GABRB1: variants seen among roughly 807,000 people sequenced by gnomAD.
The protein encoded by GABRB1 is gamma-aminobutyric acid type A receptor subunit beta1.
GABRB1 carries 17 observed loss-of-function variants against 51.6 expected under a neutral mutation model. The ratio of observed to expected loss-of-function variants is 0.33; its 90% confidence interval spans 0.23 to 0.49. GABRB1 has a LOEUF of 0.49. Among genes scored for constraint, GABRB1 ranks in the 20% least tolerant of loss-of-function variants. GABRB1 has a pLI of 0.99. For synonymous variants in GABRB1, 247 were observed against 218.9 expected (o/e 1.13, Z -1.14); for missense variants, 410 against 600.6 (o/e 0.68, Z 3.32).
intron 4 of GABRB1, among the ~76,000 whole-genome samples, chr4:47,298,394 A>T (rs1724100173): frequency 6.6e-6 from 1 of 152,244 alleles, no homozygotes; most frequent in Non-Finnish European, 1.5e-5. Flanking sequence ...GCAAAGTCTC[A>T]GGATACAAAA....
intron 3 of GABRB1, among the ~76,000 whole-genome samples, chr4:47,148,472 T>C (rs1044560386): frequency 6.6e-6 from 1 of 152,048 alleles, no homozygotes; most frequent in Non-Finnish European, 1.5e-5. Context: ...CATAACAATA[T>C]TTGCCTTTTA....
chr4:47,055,620 TC>T (rs1726558391), intron 3 of GABRB1, among the ~76,000 whole-genome samples: 1 of 152,152 alleles, frequency 6.6e-6, no homozygotes, highest in African/African-American at 2.4e-5. Flanking sequence ...GGAAGATGTC[TC>T]ACTTGACACC....
chr4:47,057,401 G>T (rs1726660647), intron 3 of GABRB1, among the ~76,000 whole-genome samples: 1 of 152,196 alleles, frequency 6.6e-6, no homozygotes, highest in African/African-American at 2.4e-5. Flanking sequence ...CTAGGGAATT[G>T]AAGTTAGATG....
chr4:47,379,974 G>A (rs73234514), intron 5 of GABRB1, among the ~76,000 whole-genome samples: 2,004 of 152,190 alleles, frequency 0.013, 24 homozygotes, highest in Admixed American at 0.018. Context: ...GGTCATGTAC[G>A]TAAAAGGCCC....
chr4:47,235,220 T>C (rs1297983301), intron 4 of GABRB1, among the ~76,000 whole-genome samples: 1 of 152,114 alleles, frequency 6.6e-6, no homozygotes, highest in Admixed American at 6.5e-5. Flanking sequence ...AGTTAAAATT[T>C]CCATGTGCAA....
chr4:47,147,028 T>G (rs530602107), intron 3 of GABRB1, among the ~76,000 whole-genome samples: 3 of 152,164 alleles, frequency 2.0e-5, no homozygotes, highest in African/African-American at 7.2e-5. Flanking sequence ...CTTTGAAACA[T>G]ATACCTACCC....
At chr4:47,246,379 T>C (rs1353504819) in intron 4 of GABRB1, among the ~76,000 whole-genome samples, 1 of 46,090 alleles carries the variant, frequency 2.2e-5, no homozygotes, top group African/African-American at 1.0e-4. Context: ...TATATATATA[T>C]ATATATATAT....
intron 4 of GABRB1, among the ~76,000 whole-genome samples, chr4:47,196,969 A>C (rs1719708793): frequency 6.6e-6 from 1 of 152,188 alleles, no homozygotes; most frequent in African/African-American, 2.4e-5. Flanking sequence ...TCTATGCACA[A>C]GATTCACTTA....
chr4:47,123,875 TATATATAA>T (rs1715977932), intron 3 of GABRB1, among the ~76,000 whole-genome samples: 1 of 79,426 alleles, frequency 1.3e-5, no homozygotes, highest in Admixed American at 2.2e-4. Flanking sequence ...ATATATATCT[TATATATAA>T]TATATATAAT....
intron 3 of GABRB1, among the ~76,000 whole-genome samples, chr4:47,134,871 C>G (rs1275925199): frequency 6.6e-6 from 1 of 152,192 alleles, no homozygotes; most frequent in Non-Finnish European, 1.5e-5. Flanking sequence ...AATCCCAGCA[C>G]TTTGGGAGGC....
rs367710074 is a variant in GABRB1, at chr4:47,092,860, G to A, written c.240+60376G>A. ...GAACTCCTGACCTCGTGATTCACCCGCTTCGGCCTCCCAGAGTGTTGGGAT... is the reference window on the plus strand; with the variant it reads ...GAACTCCTGACCTCGTGATTCACCCACTTCGGCCTCCCAGAGTGTTGGGAT... On this transcript the variant is annotated intron_variant, in intron 3 of 8. Transcript: ENST00000295454. Among the ~76,000 whole-genome samples the A allele has an allele frequency of 3.3e-5, 5 of 152,036 alleles. No homozygotes were observed. In the East Asian group the frequency reaches 5.8e-4, roughly 18 times the overall value.
chr4:47,350,218 T>TATATAGAGAGAGAGAGAGAG (rs750199965), intron 5 of GABRB1, among the ~76,000 whole-genome samples: 1 of 56,638 alleles, frequency 1.8e-5, no homozygotes, highest in African/African-American at 8.1e-5. Context: ...TATATATATA[T>TATATAGAGAGAGAGAGAGAG]AGAGAGAGAG....
intron 3 of GABRB1, among the ~76,000 whole-genome samples, chr4:47,159,287 A>C (rs747435025): frequency 2.0e-5 from 3 of 152,038 alleles, no homozygotes; most frequent in Non-Finnish European, 4.4e-5. Flanking sequence ...CTCTAAAAGA[A>C]AAGAAGAGAA....
intron 4 of GABRB1, among the ~76,000 whole-genome samples, chr4:47,185,306 C>T (rs969807871): frequency 6.6e-6 from 1 of 151,804 alleles, no homozygotes; most frequent in African/African-American, 2.4e-5. Context: ...ATTCTTCTGG[C>T]TCTCCCAGAA....
intron 4 of GABRB1, among the ~76,000 whole-genome samples, chr4:47,200,684 T>C (rs999948877): frequency 6.6e-6 from 1 of 152,142 alleles, no homozygotes; most frequent in African/African-American, 2.4e-5. Context: ...CCCCAGAGCT[T>C]TGCGCACAAG....
intron 3 of GABRB1, among the ~76,000 whole-genome samples, chr4:47,104,398 T>C (rs989616670): frequency 2.6e-5 from 4 of 151,958 alleles, no homozygotes; most frequent in African/African-American, 9.7e-5. Flanking sequence ...TTATTACTTA[T>C]TTCTTCTTTA....
intron 4 of GABRB1, among the ~76,000 whole-genome samples, chr4:47,205,229 G>A (rs866801813): frequency 6.6e-6 from 1 of 152,130 alleles, no homozygotes; most frequent in Admixed American, 6.6e-5. Context: ...CACAAGAATG[G>A]TTTTTATAGA....
intron 4 of GABRB1, among the ~76,000 whole-genome samples, chr4:47,182,538 G>A (rs1718994940): frequency 6.6e-6 from 1 of 151,914 alleles, no homozygotes; most frequent in Non-Finnish European, 1.5e-5. Context: ...TTATTCCACA[G>A]CATAGTGAAT....
intron 4 of GABRB1, among the ~76,000 whole-genome samples, chr4:47,271,320 T>C (rs1452965417): frequency 2.0e-5 from 3 of 152,092 alleles, no homozygotes; most frequent in Non-Finnish European, 2.9e-5. Context: ...GTTTATTGCC[T>C]AAAATAAAAC....
Sources: gnomAD v4.1 joint callset for allele counts (sites outside exome capture counted in the v4.1 genomes callset) on GRCh38, gnomAD v4.1.1 for gene constraint, MANE v1.5 for transcripts, NCBI Gene and HGNC (gene_info 2026-07-23, HGNC 2026-07-21) for gene names.